The following COL5A2 variants were observed in gnomAD, a reference collection of about 807,000 sequenced individuals.
COL5A2 encodes collagen type V alpha 2 chain, also known as collagen alpha-2(V) chain.
In COL5A2, 23 loss-of-function variants were observed where a neutral mutation model predicts 208.2. That is an observed-to-expected ratio of 0.11 (90% CI 0.08 to 0.16). The LOEUF is 0.16. COL5A2 is among the 10% of genes least tolerant of loss of function. The pLI is 1.00. For missense variants in COL5A2, 1,590 were observed against 1,956.4 expected (o/e 0.81, Z 3.53); for synonymous variants, 625 against 628.5 (o/e 0.99, Z 0.08).
the COL5A2 span, among the ~76,000 whole-genome samples, chr2:189,437,522 C>A: frequency 6.6e-6 from 1 of 152,174 alleles, no homozygotes; most frequent in Non-Finnish European, 1.5e-5. Context: ...CAATTTTAAT[C>A]TATGGGTTTA....
the COL5A2 span, among the ~76,000 whole-genome samples, chr2:189,334,969 TA>T: frequency 6.6e-6 from 1 of 151,976 alleles, no homozygotes; most frequent in Admixed American, 6.5e-5. Flanking sequence ...GATAATTTAA[TA>T]GGGGAAATTA....
At chr2:189,210,619 C>T (rs1689200828) in intron 1 of COL5A2, among the ~76,000 whole-genome samples, 1 of 152,122 alleles carries the variant, frequency 6.6e-6, no homozygotes, top group Non-Finnish European at 1.5e-5. Flanking sequence ...CATCAAAGTG[C>T]TTTAGGGTTT....
intron 6 of COL5A2, among the ~76,000 whole-genome samples, chr2:189,093,556 T>C (rs1295540735): frequency 7.9e-5 from 12 of 152,122 alleles, no homozygotes. Flanking sequence ...GAAATTTAAT[T>C]ATTTTAATAT....
chr2:189,058,586 T>C lies in COL5A2; in HGVS notation c.2131-59A>G, dbSNP rs1685952157. On this transcript the variant is annotated intron_variant, in intron 32 of 53. Transcript: ENST00000374866. The stretch of plus-strand genomic sequence containing the variant: ...TACTTGATCTAAAAATAGGTCAAAA[T>C]GTTTCTGAGAAATGGCTTCTACTGC... The C allele has an allele frequency of 5.5e-6, 8 of 1,458,474 alleles. No individual in the cohort carries two copies. In the South Asian group the frequency reaches 9.2e-5, roughly 17 times the overall value. The allele number at this position is 1,458,474 out of a possible 1,614,324, so 90.3% of individuals were successfully genotyped here. A position where few individuals can be genotyped will look rare whatever the true frequency, so the allele number is the denominator to read the frequency against.
chr2:189,345,476 A>G, the COL5A2 span, among the ~76,000 whole-genome samples: 1 of 152,280 alleles, frequency 6.6e-6, no homozygotes, highest in South Asian at 2.1e-4. Flanking sequence ...AGGTCACAAG[A>G]CCAGGAGCAG....
the COL5A2 span, among the ~76,000 whole-genome samples, chr2:189,273,963 T>C: frequency 2.2e-4 from 33 of 151,900 alleles, no homozygotes; most frequent in Admixed American, 5.3e-4. Context: ...AGCTACGTAT[T>C]GTATACCTGA....
At chr2:189,087,013 T>C (rs1400010368) in intron 8 of COL5A2, among the ~76,000 whole-genome samples, 1 of 152,198 alleles carries the variant, frequency 6.6e-6, no homozygotes, top group African/African-American at 2.4e-5. Context: ...CATATGTCTG[T>C]ACACACCCAA....
intron 2 of COL5A2, 146 bp downstream of exon 2, chr2:189,110,079 G>A (rs763458861): frequency 5.8e-6 from 4 of 690,010 alleles, no homozygotes; most frequent in Non-Finnish European, 1.0e-5. Context: ...AAGTGAGTGA[G>A]CAAAATCATT....
chr2:189,127,065 G>T (rs968875475), intron 1 of COL5A2, among the ~76,000 whole-genome samples: 3 of 152,090 alleles, frequency 2.0e-5, no homozygotes, highest in African/African-American at 7.2e-5. Context: ...GCATTGCTTA[G>T]CCATTGTAGG....
chr2:189,392,702 C>T, the COL5A2 span, among the ~76,000 whole-genome samples: 1 of 152,102 alleles, frequency 6.6e-6, no homozygotes, highest in African/African-American at 2.4e-5. Flanking sequence ...GGCAAGAATT[C>T]ATTGCAGTGT....
At chr2:189,051,205 T>A in intron 42 of COL5A2, 115 bp downstream of exon 42, 1 of 1,340,518 alleles carries the variant, frequency 7.5e-7, no homozygotes, top group South Asian at 1.3e-5. Flanking sequence ...ACTTTAAAAA[T>A]TTTAGGAATG....
rs878885535 is a variant in COL5A2, at chr2:189,100,000, ATAAC to A, written c.369+103_369+106del. The stretch of plus-strand genomic sequence containing the variant: ...GTTATACTAAAAACTTGTTTTTAAA[ATAAC>A]TAATTTATTTTTGAAAGTATGTACA... On this transcript the variant is annotated intron_variant, in intron 4 of 53. Transcript: ENST00000374866. 2.5e-4 allele frequency: 248 copies of A among 979,250 alleles called. 2 individuals are homozygous for A. The South Asian group carries it at 3.4e-3, about 14-fold the overall frequency. The allele number at this position is 979,250 out of a possible 1,614,324, so 60.7% of individuals were successfully genotyped here.
chr2:189,161,455 T>C (rs1278739188), intron 1 of COL5A2, among the ~76,000 whole-genome samples: 1 of 152,156 alleles, frequency 6.6e-6, no homozygotes. Context: ...TTAATTACAG[T>C]GCTTTGATGT....
At chr2:189,219,561 G>A (rs1469414507) in intron 1 of COL5A2, among the ~76,000 whole-genome samples, 1 of 152,112 alleles carries the variant, frequency 6.6e-6, no homozygotes, top group Non-Finnish European at 1.5e-5. Context: ...CATTCATGAT[G>A]ACTTAGGCAA....
chr2:189,321,949 T>G, the COL5A2 span, among the ~76,000 whole-genome samples: 1 of 152,246 alleles, frequency 6.6e-6, no homozygotes, highest in East Asian at 1.9e-4. Flanking sequence ...TCAGCAAATG[T>G]AAAAGAACAG....
the COL5A2 span, among the ~76,000 whole-genome samples, chr2:189,285,854 G>C: frequency 1.3e-4 from 20 of 152,174 alleles, no homozygotes; most frequent in African/African-American, 4.6e-4. Context: ...TAACCATGAA[G>C]CAAATGAGTG....
intron 52 of COL5A2, among the ~76,000 whole-genome samples, chr2:189,035,603 CTCTT>C (rs1685429114): frequency 1.3e-5 from 2 of 152,048 alleles, no homozygotes; most frequent in South Asian, 2.1e-4. Context: ...TTTCTAGAGA[CTCTT>C]TCCTACTCAC....
the COL5A2 span, among the ~76,000 whole-genome samples, chr2:189,414,753 C>CAAAAA: frequency 2.8e-5 from 2 of 70,292 alleles, no homozygotes; most frequent in African/African-American, 5.5e-5. Flanking sequence ...GACTCTGTCT[C>CAAAAA]AAAAAAAAAA....
the COL5A2 span, among the ~76,000 whole-genome samples, chr2:189,321,465 G>A: frequency 6.6e-6 from 1 of 152,228 alleles, no homozygotes; most frequent in East Asian, 1.9e-4. Context: ...TAAAGGGATG[G>A]AGGAAGATCT....
Sources: gnomAD v4.1 joint callset for allele counts (sites outside exome capture counted in the v4.1 genomes callset) on GRCh38, gnomAD v4.1.1 for gene constraint, MANE v1.5 for transcripts, NCBI Gene and HGNC (gene_info 2026-07-23, HGNC 2026-07-21) for gene names.